The following SGCD variants were observed in gnomAD, a reference collection of about 807,000 sequenced individuals.
The protein encoded by SGCD is delta-sarcoglycan.
Under a neutral mutation model 36.6 loss-of-function variants are expected in SGCD, and 18 were observed. The ratio of observed to expected loss-of-function variants is 0.49; its 90% confidence interval spans 0.34 to 0.73. The LOEUF is 0.73. Among genes scored for constraint, SGCD ranks in the 30% least tolerant of loss-of-function variants. The probability of loss-of-function intolerance (pLI) is 0.01; values close to 1 mark genes in which losing one functional copy is unlikely to be tolerated. For missense variants in SGCD, 387 were observed against 346.7 expected, an observed-to-expected ratio of 1.12 and a Z score of -0.92; for synonymous variants, 133 against 130.6, an observed-to-expected ratio of 1.02 and a Z score of -0.12.
intron 7 of SGCD, among the ~76,000 whole-genome samples, chr5:156,733,166 T>C (rs186853924): frequency 6.6e-6 from 1 of 152,242 alleles, no homozygotes; most frequent in Admixed American, 6.5e-5. Flanking sequence ...ACTAGAGAGC[T>C]TTCTAACTTG....
At chr5:156,590,079 A>G (rs157292) in intron 5 of SGCD, among the ~76,000 whole-genome samples, 49,612 of 152,054 alleles carry the variant, frequency 0.33, 9,201 homozygotes, top group African/African-American at 0.51. Flanking sequence ...GAATGTATGT[A>G]TGAATGGCAT....
At chr5:156,179,075 T>A (rs1260580779) in intron 3 of SGCD, among the ~76,000 whole-genome samples, 1 of 152,186 alleles carries the variant, frequency 6.6e-6, no homozygotes, top group African/African-American at 2.4e-5. Context: ...ACTGACAATA[T>A]TGTTTTCTGC....
intron 3 of SGCD, among the ~76,000 whole-genome samples, chr5:156,291,655 G>A (rs1442033874): frequency 6.6e-6 from 1 of 151,912 alleles, no homozygotes; most frequent in African/African-American, 2.4e-5. Flanking sequence ...TAAAGGGAAG[G>A]GAGAAACTAG....
chr5:156,276,197 G>A (rs1331560865), intron 3 of SGCD, among the ~76,000 whole-genome samples: 1 of 152,144 alleles, frequency 6.6e-6, no homozygotes, highest in African/African-American at 2.4e-5. Flanking sequence ...TGGCAATTAA[G>A]ATGTGTCCCT....
chr5:156,380,916 C>T (rs899342798), intron 3 of SGCD, among the ~76,000 whole-genome samples: 3 of 152,120 alleles, frequency 2.0e-5, no homozygotes, highest in African/African-American at 7.2e-5. Flanking sequence ...TATGCTTTTC[C>T]AGGCATTGTG....
intron 3 of SGCD, among the ~76,000 whole-genome samples, chr5:156,242,716 C>A (rs1182830204): frequency 6.6e-6 from 1 of 152,144 alleles, no homozygotes; most frequent in Non-Finnish European, 1.5e-5. Flanking sequence ...CAAGAGGGCA[C>A]CCTTGTAGGC....
the SGCD span, among the ~76,000 whole-genome samples, chr5:155,788,106 TG>T: frequency 6.6e-6 from 1 of 152,156 alleles, no homozygotes. Context: ...AATATATAGG[TG>T]TGACTCTTTA....
chr5:156,075,232 GT>G (rs1760738686), intron 1 of SGCD, among the ~76,000 whole-genome samples: 1 of 151,470 alleles, frequency 6.6e-6, no homozygotes, highest in African/African-American at 2.4e-5. Flanking sequence ...CTCTTTAAAA[GT>G]CTCAACACAA....
chr5:155,987,121 G>A (rs1758347994), intron 1 of SGCD, among the ~76,000 whole-genome samples: 2 of 152,174 alleles, frequency 1.3e-5, no homozygotes, highest in African/African-American at 4.8e-5. Flanking sequence ...AATTAGGTGA[G>A]CCTTTAGTAA....
intron 3 of SGCD, among the ~76,000 whole-genome samples, chr5:156,178,778 C>T (rs6877312): frequency 0.026 from 4,014 of 152,164 alleles, 185 homozygotes; most frequent in African/African-American, 0.092. Flanking sequence ...GTTGGCCAGG[C>T]TGGTCTCAAA....
chr5:155,965,077 G>C (rs988298098), intron 1 of SGCD, among the ~76,000 whole-genome samples: 1 of 152,088 alleles, frequency 6.6e-6, no homozygotes, highest in Non-Finnish European at 1.5e-5. Flanking sequence ...AATGGGGCCA[G>C]AGTCCTCCTT....
the SGCD span, among the ~76,000 whole-genome samples, chr5:155,753,763 G>T: frequency 6.6e-6 from 1 of 151,284 alleles, no homozygotes; most frequent in African/African-American, 2.4e-5. Context: ...GTAGGGATAG[G>T]GTTCCCAGGT....
intron 1 of SGCD, among the ~76,000 whole-genome samples, chr5:156,097,036 G>A (rs946629625): frequency 2.0e-5 from 3 of 150,816 alleles, no homozygotes; most frequent in Admixed American, 1.3e-4. Context: ...ACTTTCTTTT[G>A]GCCTTCATGG....
chr5:156,360,968 A>G (rs1192076368), intron 3 of SGCD, among the ~76,000 whole-genome samples: 4 of 152,116 alleles, frequency 2.6e-5, no homozygotes. Flanking sequence ...ACTGCCCCAC[A>G]TGATTGAGGC....
chr5:156,390,240 C>G (rs1771494410), intron 3 of SGCD, among the ~76,000 whole-genome samples: 1 of 151,960 alleles, frequency 6.6e-6, no homozygotes, highest in Admixed American at 6.6e-5. Flanking sequence ...ATTTAAACAG[C>G]CTCAGGCAGG....
At position 156,046,131 on chromosome 5, in the gene SGCD, C is replaced by T. The variant is rs144961992; in HGVS notation, c.-281-71747C>T. Reference sequence around the variant, plus strand: ...TATGGCTTGGGGAGTCCATTTTGCTCCAGTCCAGCTATAGTCATTTTGGCC... The same window carrying T: ...TATGGCTTGGGGAGTCCATTTTGCTTCAGTCCAGCTATAGTCATTTTGGCC... On this transcript the variant is annotated intron_variant, in intron 1 of 9. Coordinates refer to the SGCD transcript ENST00000517913. Among the ~76,000 whole-genome samples the T allele has an allele frequency of 1.9e-3, 286 of 152,186 alleles. 1 individual carries two copies. Among genetic ancestry groups the T allele is most frequent in the African/African-American group, 6.4e-3 (265 of 41,528 alleles).
the SGCD span, among the ~76,000 whole-genome samples, chr5:155,831,725 C>A: frequency 6.6e-6 from 1 of 152,176 alleles, no homozygotes; most frequent in African/African-American, 2.4e-5. Context: ...GTACTGCAAT[C>A]GGGTCTGATC....
chr5:155,951,292 C>A (rs1757542782), intron 1 of SGCD, among the ~76,000 whole-genome samples: 1 of 152,142 alleles, frequency 6.6e-6, no homozygotes, highest in African/African-American at 2.4e-5. Context: ...AGGCAACCAT[C>A]AAGACTGAGT....
intron 3 of SGCD, among the ~76,000 whole-genome samples, chr5:156,413,404 A>G (rs1772873064): frequency 6.6e-6 from 1 of 152,210 alleles, no homozygotes; most frequent in Admixed American, 6.5e-5. Flanking sequence ...CTAACATACT[A>G]CTTTAGACTA....
Sources: allele counts gnomAD v4.1 joint callset (sites outside exome capture counted in the v4.1 genomes callset), GRCh38; gene constraint gnomAD v4.1.1; transcripts MANE v1.5; gene names NCBI Gene and HGNC (gene_info 2026-07-23, HGNC 2026-07-21).